The following HS3ST3A1 variants were observed in gnomAD, a reference collection of about 807,000 sequenced individuals.
HS3ST3A1 encodes the protein heparan sulfate glucosamine 3-O-sulfotransferase 3A1.
Under a neutral mutation model 25.7 loss-of-function variants are expected in HS3ST3A1, and 19 were observed. The ratio of observed to expected loss-of-function variants is 0.74; its 90% CI spans 0.52 to 1.08. HS3ST3A1 has a LOEUF of 1.08. Ranked by LOEUF, HS3ST3A1 falls within the 50% of genes least tolerant of loss-of-function variation. The pLI is 0.00. For synonymous variants in HS3ST3A1, 226 were observed against 278.6 expected, an observed-to-expected ratio of 0.81 and a Z score of 1.88; for missense variants, 459 against 594.3, an observed-to-expected ratio of 0.77 and a Z score of 2.37.
chr17:13,529,108 A>G (rs532074772), intron 1 of HS3ST3A1, among the ~76,000 whole-genome samples: 1 of 152,346 alleles, frequency 6.6e-6, no homozygotes, highest in African/African-American at 2.4e-5. Context: ...ATTCCATAGC[A>G]TAGTATTTTT....
intron 1 of HS3ST3A1, among the ~76,000 whole-genome samples, chr17:13,553,385 A>G (rs2142358314): frequency 6.6e-6 from 1 of 151,008 alleles, no homozygotes; most frequent in Non-Finnish European, 1.5e-5. Flanking sequence ...GCATTCACCA[A>G]TGGTTTAAGC....
intron 1 of HS3ST3A1, among the ~76,000 whole-genome samples, chr17:13,570,375 C>T (rs74600362): frequency 8.0e-4 from 121 of 150,904 alleles, no homozygotes; most frequent in East Asian, 2.7e-3. Context: ...AGTTCTAATA[C>T]GCTTTTTCAT....
intron 1 of HS3ST3A1, among the ~76,000 whole-genome samples, chr17:13,594,025 G>A (rs552995812): frequency 9.9e-5 from 15 of 152,226 alleles, no homozygotes; most frequent in African/African-American, 2.2e-4. Context: ...GCGTTGTTTT[G>A]TATGATCCTG....
intron 1 of HS3ST3A1, among the ~76,000 whole-genome samples, chr17:13,560,289 C>CACAAAAAAAAAAAA (rs570211129): frequency 5.8e-5 from 1 of 17,380 alleles, no homozygotes; most frequent in African/African-American, 1.7e-4. Context: ...CACTCGTCTC[C>CACAAAAAAAAAAAA]AAAAAAAAAA....
chr17:13,512,002 C>A (rs1045502641), intron 1 of HS3ST3A1, among the ~76,000 whole-genome samples: 21 of 152,126 alleles, frequency 1.4e-4, no homozygotes, highest in African/African-American at 4.6e-4. Context: ...ACTTGCACTT[C>A]AAAAATCCTT....
chr17:13,560,843 T>C (rs1356306378), intron 1 of HS3ST3A1, among the ~76,000 whole-genome samples: 2 of 152,172 alleles, frequency 1.3e-5, no homozygotes, highest in Non-Finnish European at 2.9e-5. Context: ...AAGCAAAGTG[T>C]GGGAAATTAA....
chr17:13,547,151 C>T (rs1005605025), intron 1 of HS3ST3A1, among the ~76,000 whole-genome samples: 1 of 152,182 alleles, frequency 6.6e-6, no homozygotes, highest in African/African-American at 2.4e-5. Context: ...GAAAATAAGT[C>T]TTCAACTTCA....
intron 1 of HS3ST3A1, among the ~76,000 whole-genome samples, chr17:13,526,409 G>T (rs965226094): frequency 2.7e-5 from 4 of 147,034 alleles, no homozygotes; most frequent in African/African-American, 1.0e-4. Flanking sequence ...TGGGAATTGG[G>T]GGGAAGGAAA....
At chr17:13,564,817 G>A (rs1484851548) in intron 1 of HS3ST3A1, among the ~76,000 whole-genome samples, 1 of 147,454 alleles carries the variant, frequency 6.8e-6, no homozygotes, top group Non-Finnish European at 1.5e-5. Flanking sequence ...TCCACCTCCC[G>A]AGTTCAAATG....
chr17:13,585,842 T>TC (rs59133761), intron 1 of HS3ST3A1, among the ~76,000 whole-genome samples: 9,862 of 66,808 alleles, frequency 0.15, 2,086 homozygotes, highest in East Asian at 0.43. Context: ...CCTTCTGCGT[T>TC]TTTTTTTTTT....
At chr17:13,593,765 C>T (rs1003931087) in intron 1 of HS3ST3A1, among the ~76,000 whole-genome samples, 10 of 152,124 alleles carry the variant, frequency 6.6e-5, no homozygotes, top group Admixed American at 2.6e-4. Flanking sequence ...ACAGAGAATT[C>T]GCATACTCCT....
chr17:13,503,178 A>C (rs1905541652), intron 1 of HS3ST3A1, among the ~76,000 whole-genome samples: 1 of 151,064 alleles, frequency 6.6e-6, no homozygotes, highest in East Asian at 1.9e-4. Flanking sequence ...CATCTCAAAA[A>C]AAAAAAAAAA....
At chr17:13,507,378 A>T (rs1282973378) in intron 1 of HS3ST3A1, among the ~76,000 whole-genome samples, 1 of 152,220 alleles carries the variant, frequency 6.6e-6, no homozygotes, top group Non-Finnish European at 1.5e-5. Flanking sequence ...ATAGTTGCTA[A>T]TAGGTCTAGA....
intron 1 of HS3ST3A1, among the ~76,000 whole-genome samples, chr17:13,500,028 TA>T (rs1287385811): frequency 5.9e-5 from 9 of 152,284 alleles, no homozygotes; most frequent in Admixed American, 2.6e-4. Context: ...AATCTTAAAT[TA>T]TTTTTTTCAA....
chr17:13,598,851 T>G (rs1237850468), intron 1 of HS3ST3A1, among the ~76,000 whole-genome samples: 1 of 152,218 alleles, frequency 6.6e-6, no homozygotes, highest in Non-Finnish European at 1.5e-5. Flanking sequence ...AAATAAAGTT[T>G]ATATGGCAAA....
chr17:13,570,824 T>G (rs1437955634), intron 1 of HS3ST3A1, among the ~76,000 whole-genome samples: 1 of 152,208 alleles, frequency 6.6e-6, no homozygotes, highest in African/African-American at 2.4e-5. Context: ...TTTCACATAT[T>G]TACAGGAGTT....
At position 13,600,899 on chromosome 17, in the gene HS3ST3A1, C is replaced by T. The variant is rs1477373343; in HGVS notation, c.231G>A (p.Glu77=). ...GTGCCGCCGCCGGCCACACCGCCAG[C>T]TCCCTCGGGCCTCCGGCCAGGACGC... is the stretch of plus-strand genomic sequence containing the variant. The part of the protein sequence containing the change: ...GGGVLAGGPR[E]LAVWPAAAQR... The change falls in exon 1 of 2, where the codon GAG becomes GAA. Residue 77 remains glutamate, a synonymous_variant. Transcript: ENST00000284110. 6.6e-7 allele frequency: 1 copy of T among 1,507,930 alleles called. No individual in the cohort carries two copies. 93.4% of individuals were successfully genotyped at this position (1,507,930 alleles called of 1,614,324 possible).
chr17:13,590,326 TAA>T (rs59735905), intron 1 of HS3ST3A1, among the ~76,000 whole-genome samples: 3,221 of 147,456 alleles, frequency 0.022, 95 homozygotes, highest in African/African-American at 0.07. Flanking sequence ...TCTGTGAGGT[TAA>T]AAAAAAAAAA....
At chr17:13,550,435 C>T (rs1378194748) in intron 1 of HS3ST3A1, among the ~76,000 whole-genome samples, 4 of 152,028 alleles carry the variant, frequency 2.6e-5, no homozygotes, top group Non-Finnish European at 4.4e-5. Flanking sequence ...TCCACACACG[C>T]CCCCCATGTT....
Sources: gnomAD v4.1 joint callset for allele counts (sites outside exome capture counted in the v4.1 genomes callset) on GRCh38, gnomAD v4.1.1 for gene constraint, MANE v1.5 for transcripts, NCBI Gene and HGNC (gene_info 2026-07-23, HGNC 2026-07-21) for gene names.